The following VWA2 variants were observed in gnomAD, a reference collection of about 807,000 sequenced individuals.
VWA2 encodes the protein von Willebrand factor A domain containing 2.
A neutral mutation model predicts 70.4 loss-of-function variants in VWA2; 73 were observed. That is an observed-to-expected ratio of 1.04 (90% CI 0.86 to 1.26). The LOEUF is 1.26. Among genes scored for constraint, VWA2 ranks in the 50% most tolerant of loss-of-function variants. The pLI is 0.00. For synonymous variants in VWA2, 407 were observed against 423.3 expected (o/e 0.96, Z 0.47); for missense variants, 1,011 against 998.5 (o/e 1.01, Z -0.17).
intron 4 of VWA2, 35 bp downstream of exon 4, chr10:114,255,083 C>A (rs373580892): frequency 1.9e-6 from 3 of 1,605,928 alleles, no homozygotes; most frequent in African/African-American, 1.3e-5. Context: ...TGTGTTAGGG[C>A]GTCTTCTGTG....
At chr10:114,248,609 G>A in intron 1 of VWA2, 95 bp from the exon 2 acceptor site, 1 of 1,081,332 alleles carries the variant, frequency 9.2e-7, no homozygotes, top group Non-Finnish European at 1.4e-6. Flanking sequence ...CTGTGACCTG[G>A]AAAAGGCTGA....
chr10:114,247,100 C>A (rs758432411), intron 1 of VWA2, among the ~76,000 whole-genome samples: 1 of 152,008 alleles, frequency 6.6e-6, no homozygotes, highest in Non-Finnish European at 1.5e-5. Context: ...GTGCAATAAC[C>A]TTCCCAGTAC....
chr10:114,256,358 G>C (rs953353627), intron 4 of VWA2, among the ~76,000 whole-genome samples: 1 of 152,180 alleles, frequency 6.6e-6, no homozygotes, highest in Non-Finnish European at 1.5e-5. Context: ...CAAATGGTGT[G>C]TATAATATGT....
At position 114,253,783 on chromosome 10, in the gene VWA2, C is replaced by T. The variant is rs2037259676; in HGVS notation, c.127+58C>T. ...CCCACTCAGACCTCTGTGTGATGGA[C>T]TGGATGAGAACCATGTTCTTCCAGA... On this transcript the variant is annotated intron_variant, in intron 3 of 13. Transcript: ENST00000392982. 2.0e-6 allele frequency: 3 copies of T among 1,478,628 alleles called. No homozygotes were observed. The Admixed American group carries it at 5.1e-5, about 25-fold the overall frequency. The allele number at this position is 1,478,628 out of a possible 1,614,324, so 91.6% of individuals were successfully genotyped here. A position where few individuals can be genotyped will look rare whatever the true frequency, so the allele number is the denominator to read the frequency against.
intron 1 of VWA2, among the ~76,000 whole-genome samples, chr10:114,241,788 C>T (rs2036978028): frequency 6.6e-6 from 1 of 152,156 alleles, no homozygotes; most frequent in African/African-American, 2.4e-5. Context: ...GGTCCTCAAA[C>T]TTTTGCAGTG....
chr10:114,240,709 T>C (rs2133270466), intron 1 of VWA2, among the ~76,000 whole-genome samples: 1 of 152,316 alleles, frequency 6.6e-6, no homozygotes, highest in African/African-American at 2.4e-5. Flanking sequence ...GCCACAGGCA[T>C]GAATTTGTAA....
At chr10:114,277,784 C>A in intron 6 of VWA2, 130 bp from the exon 7 acceptor site, 1 of 1,195,308 alleles carries the variant, frequency 8.4e-7, no homozygotes, top group Non-Finnish European at 1.1e-6. Flanking sequence ...TTTTCCTCAC[C>A]AGCTATGGGT....
At chr10:114,245,850 T>G (rs1399320469) in intron 1 of VWA2, among the ~76,000 whole-genome samples, 3 of 152,198 alleles carry the variant, frequency 2.0e-5, no homozygotes, top group South Asian at 2.1e-4. Flanking sequence ...ACGAAGACTC[T>G]CAGCTGGCAG....
At position 114,277,937 on chromosome 10, in the gene VWA2, C is replaced by T. The variant is rs2037886645; in HGVS notation, c.590C>T (p.Ala197Val). 1.2e-6 allele frequency: 2 copies of T among 1,610,400 alleles called. No individual in the cohort carries two copies. Among genetic ancestry groups the T allele is most frequent in the Middle Eastern group, 2.0e-4 (1 of 5,022 alleles). The change falls in exon 7 of 14, where the codon GCC becomes GTC. Residue 197 changes from alanine (A) to valine (V), a missense_variant. Coordinates refer to ENST00000392982, the MANE Select transcript of VWA2 (RefSeq NM_001272046.2). ...FPRWEELHALASEPRGQHVLL... is the reference protein window; with the variant it reads ...FPRWEELHALVSEPRGQHVLL... ...AGGTGGGAGGAGCTGCATGCACTGG[C>T]CAGCGAGCCTAGAGGGCAGCACGTG...
chr10:114,252,397 G>A (rs2037215539), intron 2 of VWA2, among the ~76,000 whole-genome samples: 1 of 152,062 alleles, frequency 6.6e-6, no homozygotes, highest in African/African-American at 2.4e-5. Flanking sequence ...TCAAAGATAT[G>A]GTATGGGGAG....
intron 10 of VWA2, 44 bp from the exon 11 acceptor site, chr10:114,285,895 G>A (rs764785279): frequency 1.2e-5 from 18 of 1,531,060 alleles, no homozygotes; most frequent in Admixed American, 5.7e-5. Context: ...CTCGCATGCC[G>A]CATGACCATG....
At chr10:114,289,770 A>C in intron 12 of VWA2, 1 of 481,106 alleles carries the variant, frequency 2.1e-6, no homozygotes, top group East Asian at 4.0e-5. Flanking sequence ...CTTTTAGAAT[A>C]TCCACAAGCT....
At chr10:114,246,656 C>T (rs2037079544) in intron 1 of VWA2, 27 of 1,553,860 alleles carry the variant, frequency 1.7e-5, no homozygotes, top group Non-Finnish European at 2.4e-5. Flanking sequence ...CCCTGGATCA[C>T]AGCAAATTCA....
intron 1 of VWA2, among the ~76,000 whole-genome samples, chr10:114,240,866 CA>C: frequency 6.6e-6 from 1 of 152,328 alleles, no homozygotes; most frequent in Non-Finnish European, 1.5e-5. Context: ...GGTCCCCAGG[CA>C]AATCCCAGGT....
intron 5 of VWA2, among the ~76,000 whole-genome samples, chr10:114,268,613 A>G (rs529499275): frequency 7.2e-5 from 11 of 152,244 alleles, no homozygotes; most frequent in Non-Finnish European, 1.0e-4. Context: ...CGTTTGTTAA[A>G]CGTAGAAATA....
intron 5 of VWA2, among the ~76,000 whole-genome samples, chr10:114,265,713 AC>A (rs1320842832): frequency 6.6e-6 from 1 of 152,228 alleles, no homozygotes; most frequent in African/African-American, 2.4e-5. Flanking sequence ...GGAGAGACAC[AC>A]TAAGATTGAG....
At position 114,284,863 on chromosome 10, in the gene VWA2, G is replaced by A. The variant is rs374470121; in HGVS notation, c.890G>A (p.Gly297Asp). The A allele has an allele frequency of 4.4e-6, 7 of 1,606,776 alleles. No homozygotes were observed. Among genetic ancestry groups the A allele is most frequent in the Non-Finnish European group, 5.1e-6 (6 of 1,177,282 alleles). Residue 297 changes from glycine (G) to aspartate (D), a missense_variant and splice_region_variant, in exon 10 of 14, where the codon GGC (glycine) becomes GAC (aspartate). Gly to Asp is a moderately conservative substitution (Grantham distance 94). Coordinates refer to ENST00000392982, the MANE Select transcript of VWA2 (RefSeq NM_001272046.2). ...CGGTTAATGGGCATCTCTCTGATAG[G>A]CCCCTGTGACTCGCAGCCCTGCCAG... ...PATCYRTTCPGPCDSQPCQNG... is the reference protein window; with the variant it reads ...PATCYRTTCPDPCDSQPCQNG...
rs966650340 is a variant in VWA2 at position 114,272,656 on chromosome 10, G to A, written c.372-84G>A. 5.3e-5 allele frequency: 66 copies of A among 1,249,398 alleles called. No homozygotes were observed. In the Middle Eastern group the frequency reaches 6.5e-4, roughly 12 times the overall value. The allele number at this position is 1,249,398 out of a possible 1,614,324, so 77.4% of individuals were successfully genotyped here. ...GCTACCTTTCGCTAATAACGGAAGA[G>A]CTCATCGATTTCAGACTCTCATCCC... On this transcript the variant is annotated intron_variant, in intron 5 of 13. Transcript: ENST00000392982.
chr10:114,261,842 A>C (rs1176813464), intron 5 of VWA2, among the ~76,000 whole-genome samples: 4 of 152,200 alleles, frequency 2.6e-5, no homozygotes, highest in Non-Finnish European at 5.9e-5. Flanking sequence ...TTATGAAGAA[A>C]ACTTTTATTG....
Sources: gnomAD v4.1 joint callset for allele counts (sites outside exome capture counted in the v4.1 genomes callset) on GRCh38, gnomAD v4.1.1 for gene constraint, MANE v1.5 for transcripts, NCBI Gene and HGNC (gene_info 2026-07-23, HGNC 2026-07-21) for gene names.